PRDM16: variants seen among roughly 807,000 people sequenced by gnomAD.
The protein encoded by PRDM16 is histone-lysine N-methyltransferase PRDM16.
A neutral mutation model predicts 110.6 loss-of-function variants in PRDM16; 23 were observed. The observed-to-expected ratio is 0.21, with a 90% confidence interval of 0.15 to 0.29. The LOEUF is 0.29. Ranked by LOEUF, PRDM16 falls within the 10% of genes least tolerant of loss-of-function variation. The pLI is 1.00. For missense variants in PRDM16, 1,615 were observed against 1,794.3 expected, an observed-to-expected ratio of 0.90 and a Z score of 1.81; for synonymous variants, 799 against 781.8, an observed-to-expected ratio of 1.02 and a Z score of -0.37.
chr1:3,085,331 G>A (rs1191313590), intron 1 of PRDM16, among the ~76,000 whole-genome samples: 2 of 152,192 alleles, frequency 1.3e-5, no homozygotes, highest in African/African-American at 2.4e-5. Context: ...AAGAACCAAG[G>A]TGCGGCTAGA....
intron 14 of PRDM16, 134 bp downstream of exon 14, chr1:3,426,359 C>CCTCTGTGGTG: frequency 1.5e-6 from 1 of 662,438 alleles, no homozygotes; most frequent in Non-Finnish European, 2.5e-6. Flanking sequence ...GGGGCCTCAC[C>CCTCTGTGGTG]ACAGAGGGTG....
chr1:3,348,602 AG>A (rs1203902603), intron 3 of PRDM16, among the ~76,000 whole-genome samples: 1 of 152,304 alleles, frequency 6.6e-6, no homozygotes, highest in African/African-American at 2.4e-5. Flanking sequence ...CAGCAGAAGG[AG>A]GGGGGCTTCC....
chr1:3,162,551 A>G (rs915451950), intron 1 of PRDM16, among the ~76,000 whole-genome samples: 1 of 151,690 alleles, frequency 6.6e-6, no homozygotes, highest in African/African-American at 2.4e-5. Context: ...GGATTTATTA[A>G]CCCCCTTTCC....
intron 1 of PRDM16, among the ~76,000 whole-genome samples, chr1:3,151,070 C>T (rs1337858704): frequency 2.6e-5 from 4 of 152,076 alleles, no homozygotes; most frequent in African/African-American, 7.2e-5. Context: ...CAGCCACCCT[C>T]GGGGAGGTGG....
intron 2 of PRDM16, among the ~76,000 whole-genome samples, chr1:3,188,503 A>G (rs928948676): frequency 1.3e-5 from 2 of 152,094 alleles, no homozygotes; most frequent in African/African-American, 2.4e-5. Context: ...ACGTGAGGGA[A>G]CGCGCTCTCC....
chr1:3,185,213 G>A (rs141905173), intron 1 of PRDM16, among the ~76,000 whole-genome samples: 4 of 152,036 alleles, frequency 2.6e-5, no homozygotes, highest in South Asian at 2.1e-4. Flanking sequence ...GTATAGTTTC[G>A]GCTGCACACA....
In PRDM16 at chr1:3,108,960, T is replaced by G. The variant is rs78929000; in HGVS notation, c.37+39664T>G. On this transcript the variant is annotated intron_variant, in intron 1 of 16. Transcript: ENST00000270722. ...AGCTGGGCGTAGTGGTGGACACTTA[T>G]AATCCCAGCTACTCAGGAGGCTGAG... Among the ~76,000 whole-genome samples the G allele has an allele frequency of 5.9e-4, 90 of 151,838 alleles. 3 individuals carry two copies. The East Asian group carries it at 0.017, about 28-fold the overall frequency.
At chr1:3,332,055 G>C (rs981722286) in intron 3 of PRDM16, among the ~76,000 whole-genome samples, 2 of 152,346 alleles carry the variant, frequency 1.3e-5, no homozygotes, top group Non-Finnish European at 2.9e-5. Context: ...CAGGCTCCCT[G>C]CTCCGAAGCA....
In PRDM16 at chr1:3,347,345, G is replaced by T. The variant is rs1341905760; in HGVS notation, c.439-37807G>T. Among the ~76,000 whole-genome samples the T allele has an allele frequency of 2.6e-5, 4 of 152,244 alleles. No individual in the cohort carries two copies. The East Asian group carries it at 7.7e-4, about 29-fold the overall frequency. On this transcript the variant is annotated intron_variant, in intron 3 of 16. Coordinates refer to ENST00000270722, the MANE Select transcript of PRDM16 (RefSeq NM_022114.4). ...AGGGCGAGACTCTCAGGGCCTCCAT[G>T]CATGCTGGCCACAGCCACTGGCTCC...
At chr1:3,158,552 G>A (rs1378449351) in intron 1 of PRDM16, among the ~76,000 whole-genome samples, 2 of 152,154 alleles carry the variant, frequency 1.3e-5, no homozygotes, top group African/African-American at 2.4e-5. Context: ...TTCTCATGGC[G>A]AGAAGGCACG....
rs563681004 is a variant in PRDM16 at position 3,371,268 on chromosome 1, T to C, written c.439-13884T>C. On this transcript the variant is annotated intron_variant, in intron 3 of 16. Coordinates refer to ENST00000270722, the MANE Select transcript of PRDM16 (RefSeq NM_022114.4). ...GTTTATTCATCCATCCACCATCCAT[T>C]CATCCATTCATTCCACATCCATCCA... Among the ~76,000 whole-genome samples the C allele has an allele frequency of 3.8e-5, 5 of 130,484 alleles. No homozygotes were observed. In the South Asian group the frequency reaches 1.1e-3, roughly 29 times the overall value. 85.6% of individuals were successfully genotyped at this position (130,484 alleles called of 152,430 possible). A position where few individuals can be genotyped will look rare whatever the true frequency, so the allele number is the denominator to read the frequency against.
At chr1:3,146,115 G>A (rs1643646249) in intron 1 of PRDM16, among the ~76,000 whole-genome samples, 1 of 152,208 alleles carries the variant, frequency 6.6e-6, no homozygotes, top group Non-Finnish European at 1.5e-5. Context: ...GCACACGTGG[G>A]CATCAGGGCT....
chr1:3,279,532 C>T (rs1327102522), intron 3 of PRDM16, among the ~76,000 whole-genome samples: 2 of 152,260 alleles, frequency 1.3e-5, no homozygotes, highest in Non-Finnish European at 2.9e-5. Context: ...GCTGCCTCGG[C>T]CGGAGACCCC....
chr1:3,109,095 T>TA (rs748115256), intron 1 of PRDM16, among the ~76,000 whole-genome samples: 1 of 149,120 alleles, frequency 6.7e-6, no homozygotes, highest in East Asian at 2.0e-4. Flanking sequence ...ATAATAATAA[T>TA]AATAATAATA....
At position 3,425,432 on chromosome 1, in the gene PRDM16, G is replaced by A. The variant is rs1267586924; in HGVS notation, c.2940-149G>A. On this transcript the variant is annotated intron_variant, in intron 12 of 16. Coordinates refer to ENST00000270722, the MANE Select transcript of PRDM16 (RefSeq NM_022114.4). The surrounding 1 kb of genome is among the most constrained non-coding windows in gnomAD (Gnocchi z 6.9). ...CAGGATGCCTTTGGCTCTGCAGCTGGGAGATCCAGCAACCTCCGGGACACG... is the reference window on the plus strand; with the variant it reads ...CAGGATGCCTTTGGCTCTGCAGCTGAGAGATCCAGCAACCTCCGGGACACG... 4 of 784,774 alleles carry A rather than the reference G, an allele frequency of 5.1e-6. No homozygotes were observed. Among genetic ancestry groups the A allele is most frequent in the Non-Finnish European group, 7.9e-6 (4 of 505,216 alleles). The allele number at this position is 784,774 out of a possible 1,614,324, so 48.6% of individuals were successfully genotyped here. A position where few individuals can be genotyped will look rare whatever the true frequency, so the allele number is the denominator to read the frequency against.
rs114405616 is a variant in PRDM16, at chr1:3,103,453, G to A, written c.37+34157G>A. 2.7e-3 allele frequency among the ~76,000 whole-genome samples: 408 copies of A among 152,328 alleles called. 3 individuals are homozygous for A. Among genetic ancestry groups the A allele is most frequent in the African/African-American group, 9.1e-3 (379 of 41,568 alleles). ...TCTGAGCTCCTGGGGTTAGGGCTTC[G>A]CCTGTGAATTTGAGGGGACCCAGTG... On this transcript the variant is annotated intron_variant, in intron 1 of 16. Transcript: ENST00000270722.
chr1:3,146,516 C>T (rs1643657571), intron 1 of PRDM16, among the ~76,000 whole-genome samples: 1 of 144,370 alleles, frequency 6.9e-6, no homozygotes, highest in Non-Finnish European at 1.5e-5. Context: ...AGTGTGTGTG[C>T]TCGGTGTGGG....
chr1:3,346,308 C>A (rs1444018963), intron 3 of PRDM16, among the ~76,000 whole-genome samples: 1 of 152,178 alleles, frequency 6.6e-6, no homozygotes, highest in Non-Finnish European at 1.5e-5. Flanking sequence ...TTCTGTGTGA[C>A]ATAGGCTGGG....
intron 3 of PRDM16, among the ~76,000 whole-genome samples, chr1:3,356,226 CCGA>C (rs1470658172): frequency 2.0e-5 from 3 of 152,212 alleles, no homozygotes; most frequent in Non-Finnish European, 4.4e-5. Context: ...CTTGAGCAGG[CCGA>C]CGTGTCTGGT....
Sources: gnomAD v4.1 joint callset for allele counts (sites outside exome capture counted in the v4.1 genomes callset) on GRCh38, gnomAD v4.1.1 for gene constraint, Gnocchi (gnomAD v3.1) non-coding constraint, MANE v1.5 for transcripts, NCBI Gene and HGNC (gene_info 2026-07-23, HGNC 2026-07-21) for gene names.